Variants in CNTN4 observed in about 807,000 individuals in gnomAD.
CNTN4 encodes contactin 4.
A neutral mutation model predicts 122.5 loss-of-function variants in CNTN4; 77 were observed. The ratio of observed to expected loss-of-function variants is 0.63; its 90% confidence interval spans 0.52 to 0.76. CNTN4 has a LOEUF of 0.76. CNTN4 is among the 30% of genes least tolerant of loss of function. CNTN4 has a pLI of 0.00. For missense variants in CNTN4, 1,256 were observed against 1,259.1 expected, an observed-to-expected ratio of 1.00 and a Z score of 0.04; for synonymous variants, 512 against 447.0, an observed-to-expected ratio of 1.15 and a Z score of -1.83.
chr3:2,930,814 A>G (rs1215897203), intron 13 of CNTN4, among the ~76,000 whole-genome samples: 1 of 152,230 alleles, frequency 6.6e-6, no homozygotes, highest in Non-Finnish European at 1.5e-5. Context: ...GAGAAAAAAA[A>G]GGAGACATGA....
At chr3:2,416,814 C>T (rs769234432) in intron 3 of CNTN4, among the ~76,000 whole-genome samples, 4 of 152,056 alleles carry the variant, frequency 2.6e-5, no homozygotes, top group South Asian at 2.1e-4. Context: ...CAACCTCGCC[C>T]GGCTAATTTT....
intron 3 of CNTN4, among the ~76,000 whole-genome samples, chr3:2,547,632 T>C (rs2078303780): frequency 6.6e-6 from 1 of 152,178 alleles, no homozygotes; most frequent in African/African-American, 2.4e-5. Flanking sequence ...ATTTAGAAAG[T>C]TGGGAACTGG....
intron 3 of CNTN4, among the ~76,000 whole-genome samples, chr3:2,519,541 G>A (rs1051418141): frequency 2.6e-5 from 4 of 152,116 alleles, no homozygotes; most frequent in East Asian, 1.9e-4. Context: ...TCTGTACCAC[G>A]AAGCTAGAAC....
At chr3:2,417,327 A>G (rs941365137) in intron 3 of CNTN4, among the ~76,000 whole-genome samples, 6 of 152,206 alleles carry the variant, frequency 3.9e-5, no homozygotes, top group Non-Finnish European at 8.8e-5. Flanking sequence ...ATTCTTTCTA[A>G]TGTATTGAGA....
intron 14 of CNTN4, among the ~76,000 whole-genome samples, chr3:3,015,125 G>T (rs903009977): frequency 6.6e-6 from 1 of 152,110 alleles, no homozygotes; most frequent in Non-Finnish European, 1.5e-5. Context: ...CACTGAATGT[G>T]TATATAGGTC....
intron 2 of CNTN4, among the ~76,000 whole-genome samples, chr3:2,236,713 C>T (rs2039694314): frequency 6.6e-6 from 1 of 152,166 alleles, no homozygotes; most frequent in Non-Finnish European, 1.5e-5. Flanking sequence ...TTTATTTATT[C>T]ACTTTAATTT....
intron 2 of CNTN4, among the ~76,000 whole-genome samples, chr3:2,188,356 G>A (rs558920862): frequency 1.3e-5 from 2 of 152,218 alleles, no homozygotes; most frequent in African/African-American, 2.4e-5. Context: ...GTTGAAGGCC[G>A]TGTCCAAGTT....
chr3:2,959,604 C>T (rs1281178300), intron 13 of CNTN4, among the ~76,000 whole-genome samples: 1 of 151,878 alleles, frequency 6.6e-6, no homozygotes, highest in Non-Finnish European at 1.5e-5. Context: ...TAATATCTAG[C>T]CCAGAGCACA....
chr3:2,616,441 A>G (rs1488986144), intron 4 of CNTN4, among the ~76,000 whole-genome samples: 8 of 152,160 alleles, frequency 5.3e-5, no homozygotes, highest in Non-Finnish European at 1.0e-4. Context: ...ATAAACATAC[A>G]TGTGCATATG....
At chr3:2,991,429 T>C (rs1428727885) in intron 14 of CNTN4, among the ~76,000 whole-genome samples, 2 of 152,180 alleles carry the variant, frequency 1.3e-5, no homozygotes, top group Non-Finnish European at 2.9e-5. Flanking sequence ...AGAGGTCCTC[T>C]GATTCTTATA....
intron 3 of CNTN4, among the ~76,000 whole-genome samples, chr3:2,482,339 G>A (rs1425949443): frequency 6.6e-6 from 1 of 151,954 alleles, no homozygotes; most frequent in East Asian, 1.9e-4. Context: ...GCTGATTTAG[G>A]GTACCTGACA....
chr3:2,238,781 G>C (rs1201376420), intron 2 of CNTN4: 1 of 101,112 alleles, frequency 9.9e-6, no homozygotes, highest in Non-Finnish European at 2.1e-5. Flanking sequence ...AGGCTGGAGT[G>C]CGGTGGCGCC....
In CNTN4 at chr3:2,793,901, A is replaced by G. The variant is rs73805404; in HGVS notation, c.359-25585A>G. Among the ~76,000 whole-genome samples, 423 of 152,264 alleles carry G rather than the reference A, an allele frequency of 2.8e-3. 3 individuals are homozygous for G. Among genetic ancestry groups the G allele is most frequent in the African/African-American group, 9.9e-3 (412 of 41,552 alleles). ...CCTATGAAAGAATCTTTGAGAATGA[A>G]TCACTCAAATTCCTATCTGAGAAAA... is the stretch of plus-strand genomic sequence containing the variant. On this transcript the variant is annotated intron_variant, in intron 6 of 24. Transcript: ENST00000418658.
chr3:2,917,981 A>G (rs1329830362), intron 12 of CNTN4, among the ~76,000 whole-genome samples: 5 of 152,080 alleles, frequency 3.3e-5, no homozygotes, highest in African/African-American at 1.2e-4. Context: ...TGAGAAGACC[A>G]TGGTTCTTCT....
At chr3:2,361,121 A>G (rs2045117000) in intron 3 of CNTN4, among the ~76,000 whole-genome samples, 1 of 152,174 alleles carries the variant, frequency 6.6e-6, no homozygotes, top group East Asian at 1.9e-4. Flanking sequence ...ATACATGATG[A>G]GATGCTCAAT....
chr3:2,802,851 A>C (rs1482257624), intron 6 of CNTN4, among the ~76,000 whole-genome samples: 1 of 141,946 alleles, frequency 7.0e-6, no homozygotes, highest in East Asian at 1.9e-4. Context: ...AGAACACAAA[A>C]CTTTAATACT....
chr3:2,454,797 G>A (rs1185088898), intron 3 of CNTN4, among the ~76,000 whole-genome samples: 1 of 151,948 alleles, frequency 6.6e-6, no homozygotes. Flanking sequence ...TTTCATGATT[G>A]AACGGCTGAA....
At chr3:2,638,151 T>G (rs1406438588) in intron 4 of CNTN4, among the ~76,000 whole-genome samples, 1 of 152,226 alleles carries the variant, frequency 6.6e-6, no homozygotes, top group Non-Finnish European at 1.5e-5. Context: ...TCCACCTTAT[T>G]GGAAAAATTT....
chr3:2,708,425 C>T lies in CNTN4; in HGVS notation c.56-27790C>T, dbSNP rs771793945. 1.4e-4 allele frequency among the ~76,000 whole-genome samples: 22 copies of T among 152,126 alleles called. 1 individual carries two copies. Among genetic ancestry groups the T allele is most frequent in the Middle Eastern group, 3.4e-3 (1 of 294 alleles). On this transcript the variant is annotated intron_variant, in intron 4 of 24. Transcript: ENST00000418658. ...TGGAAAGATAGGAATAAAGGATTAC[C>T]GTAAGAGACTCTGTCCATTCTTGGA...
Sources: allele counts gnomAD v4.1 joint callset (sites outside exome capture counted in the v4.1 genomes callset), GRCh38; gene constraint gnomAD v4.1.1; transcripts MANE v1.5; gene names NCBI Gene and HGNC (gene_info 2026-07-23, HGNC 2026-07-21).